Variants in CDH24 observed in about 807,000 individuals in gnomAD.
CDH24 encodes cadherin-24.
A neutral mutation model predicts 71.2 loss-of-function variants in CDH24; 61 were observed. The observed-to-expected ratio is 0.86, with a 90% CI of 0.70 to 1.06. The LOEUF (loss-of-function observed/expected upper bound fraction) is 1.06, where lower values mean the gene tolerates loss of function less well. CDH24 is among the 50% of genes least tolerant of loss of function. The pLI is 0.00. For missense variants in CDH24, 961 were observed against 1,083.7 expected (o/e 0.89, Z 1.59); for synonymous variants, 440 against 470.2 (o/e 0.94, Z 0.83).
rs140243541 is a variant in CDH24 at position 23,055,102 on chromosome 14, G to C, written c.453C>G (p.Pro151=). Residue 151 remains proline, a synonymous_variant, in exon 3 of 13, where the codon CCC becomes CCG. Transcript: ENST00000487137. The surrounding 1 kb of genome is among the most constrained non-coding windows in gnomAD (Gnocchi z 4.1). ...QDINDNPPIF[P]LGPYHATVPE... ...GCACGGTGGCATGGTAGGGCCCAAG[G>C]GGAAAAATGGGTGGATTGTCGTTGA... 416 of 1,613,840 alleles carry C rather than the reference G, an allele frequency of 2.6e-4. 2 individuals carry two copies. The African/African-American group carries it at 4.4e-3, about 17-fold the overall frequency.
At position 23,047,960 on chromosome 14, in the gene CDH24, G is replaced by C. The variant is rs977772372; in HGVS notation, c.*20C>G. ...TGCCCGCTGCCCCCCCCCCGCGGTG[G>C]GCCGGGCCAGCCCGGGCGCTCAGGG... On this transcript the variant is annotated 3_prime_UTR_variant, in exon 12 of 13. Coordinates refer to ENST00000487137, the MANE Select transcript of CDH24 (RefSeq NM_144985.4). 3 of 1,307,322 alleles carry C rather than the reference G, an allele frequency of 2.3e-6. No individual in the cohort carries two copies. In the African/African-American group the frequency reaches 4.7e-5, roughly 20 times the overall value. 81.0% of individuals were successfully genotyped at this position (1,307,322 alleles called of 1,614,324 possible). A position where few individuals can be genotyped will look rare whatever the true frequency, so the allele number is the denominator to read the frequency against.
intron 8 of CDH24, chr14:23,052,026 G>A: frequency 6.3e-6 from 10 of 1,587,908 alleles, no homozygotes; most frequent in Non-Finnish European, 8.6e-6. Context: ...GGCTGCTGGT[G>A]CACTCCACTC....
In CDH24 at chr14:23,048,288, C is replaced by T. The variant is rs1244911981; in HGVS notation, c.2038G>A (p.Ala680Thr). The change falls in exon 12 of 13, where the codon GCG becomes ACG. Residue 680 changes from alanine to threonine, a missense_variant. Physicochemically the swap from Ala to Thr is moderately conservative, Grantham distance 58. Around this residue, in one of 2 missense-constraint regions of CDH24, gnomAD observed 290 missense variants for 272.8 expected, o/e 1.06. Transcript: ENST00000487137. ...GAAPPAPGPP[A>T]RRDVLPRARV... is the part of the protein sequence containing the mutation. ...GCCCGGGGCAACACGTCTCGGCGCG[C>T]GGGAGGGCCGGGCGCCGGGGGGGCC... 6.3e-7 allele frequency: 1 copy of T among 1,586,930 alleles called. No homozygotes were observed. The highest frequency in any genetic ancestry group is 1.1e-5 in the South Asian group (1 of 89,406).
Position 23,054,847 on chromosome 14 carries a change from C to A in CDH24, c.516G>T (p.Val172=). ...MSNVGTSVIQ[V]TAHDADDPSY... ...TGGGGTCATCAGCATCGTGAGCAGTCACCTGGATCACTGATGTCCCTGTGG... is the reference window on the plus strand; with the variant it reads ...TGGGGTCATCAGCATCGTGAGCAGTAACCTGGATCACTGATGTCCCTGTGG... Residue 172 remains valine, a synonymous_variant, in exon 4 of 13, where the codon GTG becomes GTT. Coordinates refer to ENST00000487137, the MANE Select transcript of CDH24 (RefSeq NM_144985.4). The surrounding 1 kb of genome is among the most constrained non-coding windows in gnomAD (Gnocchi z 5.2). 1.2e-6 allele frequency: 2 copies of A among 1,613,366 alleles called. No individual in the cohort carries two copies. Among genetic ancestry groups the A allele is most frequent in the South Asian group, 2.2e-5 (2 of 91,028 alleles).
At chr14:23,053,879 C>T (rs1369574232) in intron 6 of CDH24, 130 bp from the exon 7 acceptor site, 1 of 1,000,262 alleles carries the variant, frequency 1.0e-6, no homozygotes, top group East Asian at 2.6e-5. Context: ...AGAGGTGGCA[C>T]TGGAGGGACA....
chr14:23,054,909 G>A lies in CDH24; in HGVS notation c.497-43C>T. On this transcript the variant is annotated intron_variant, in intron 3 of 12. Transcript: ENST00000487137. The surrounding 1 kb of genome is among the most constrained non-coding windows in gnomAD (Gnocchi z 5.2). ...ACGCCATTCAGCAGCAGCAGGGAAG[G>A]ATGGGGAAGAACAACCGATGGGGGG... 1 of 1,601,638 alleles carries A rather than the reference G, an allele frequency of 6.2e-7. No individual in the cohort carries two copies.
In CDH24 at chr14:23,051,499, A is replaced by C. The variant is rs2047084984; in HGVS notation, c.1363+974T>G. Among the ~76,000 whole-genome samples the C allele has an allele frequency of 6.6e-6, 1 of 152,134 alleles. No homozygotes were observed. The highest frequency in any genetic ancestry group is 2.4e-5 in the African/African-American group (1 of 41,356). On this transcript the variant is annotated intron_variant, in intron 8 of 12. Coordinates refer to ENST00000487137, the MANE Select transcript of CDH24 (RefSeq NM_144985.4). The surrounding 1 kb of genome is among the most constrained non-coding windows in gnomAD (Gnocchi z 4.4). Reference sequence around the variant, plus strand: ...AAATACCCACATACACAAAACACATACAAACAGCTACATGTGCATACCACT... The same window carrying C: ...AAATACCCACATACACAAAACACATCCAAACAGCTACATGTGCATACCACT...
Position 23,048,151 on chromosome 14 carries a change from C to A in CDH24, c.2175G>T (p.Val725=). The A allele has an allele frequency of 7.3e-7, 1 of 1,378,594 alleles. No individual in the cohort carries two copies. The highest frequency in any genetic ancestry group is 9.4e-7 in the Non-Finnish European group (1 of 1,064,738). 85.4% of individuals were successfully genotyped at this position (1,378,594 alleles called of 1,614,324 possible). A position where few individuals can be genotyped will look rare whatever the true frequency, so the allele number is the denominator to read the frequency against. The stretch of plus-strand genomic sequence containing the variant: ...CGCGGCCCTCGTAGCCGTACACCTG[C>A]ACCGAGTCGTACGGGGGTACGCCGG... ...EDPGVPPYDS[V]QVYGYEGRGS... Residue 725 remains valine, a synonymous_variant, in exon 12 of 13, where the codon GTG becomes GTT. Coordinates refer to ENST00000487137, the MANE Select transcript of CDH24 (RefSeq NM_144985.4).
At position 23,052,447 on chromosome 14, in the gene CDH24, C is replaced by T. The variant is rs552602186; in HGVS notation, c.1363+26G>A. 65 of 1,612,816 alleles carry T rather than the reference C, an allele frequency of 4.0e-5. No homozygotes were observed. The Middle Eastern group carries it at 2.0e-3, about 49-fold the overall frequency. On this transcript the variant is annotated intron_variant, in intron 8 of 12. Transcript: ENST00000487137. ...AGCTCCTCGGCCAGGAGGCTGCTGC[C>T]GCCTTGTGGGCCCTGGAGTCCTCAC...
In CDH24 at chr14:23,048,121, G is replaced by A; in HGVS notation, c.2205C>T (p.Ser735=). 1 of 1,403,114 alleles carries A rather than the reference G, an allele frequency of 7.1e-7. No individual in the cohort carries two copies. Among genetic ancestry groups the A allele is most frequent in the East Asian group, 3.2e-5 (1 of 31,590 alleles). 86.9% of individuals were successfully genotyped at this position (1,403,114 alleles called of 1,614,324 possible). The change falls in exon 12 of 13, where the codon TCC becomes TCT. Residue 735 remains serine (S), a synonymous_variant. Transcript: ENST00000487137. ...CCAGGGAGCTGAGGGAGCCGCAAGA[G>A]GAGCCGCGGCCCTCGTAGCCGTACA... ...VQVYGYEGRG[S]SCGSLSSLGS...
chr14:23,052,320 G>T, intron 8 of CDH24, 153 bp downstream of exon 8: 1 of 892,742 alleles, frequency 1.1e-6, no homozygotes, highest in Non-Finnish European at 1.8e-6. Context: ...GCTAGGACTT[G>T]GATCCAGGCT....
intron 9 of CDH24, 32 bp downstream of exon 9, chr14:23,049,790 G>A: frequency 6.2e-7 from 1 of 1,613,234 alleles, no homozygotes; most frequent in East Asian, 2.2e-5. Flanking sequence ...TGGAGGCCTG[G>A]ACGTCCCAAC....
chr14:23,052,543 GAT>G lies in CDH24; in HGVS notation c.1291_1292del (p.Ile431ProfsTer41). On this transcript the variant is annotated frameshift_variant, in exon 8 of 13. Coordinates refer to ENST00000487137, the MANE Select transcript of CDH24 (RefSeq NM_144985.4). LOFTEE classifies it high-confidence loss of function. The part of the protein sequence containing the change: ...CFSIQPEEGT[I>X]HTAAPLDREA... The stretch of plus-strand genomic sequence containing the variant: ...CGCGATCCAGGGGTGCTGCTGTATG[GAT>G]GGTGCCTTCCTCGGGCTGGATAGAG... The G allele has an allele frequency of 6.2e-7, 1 of 1,614,082 alleles. No homozygotes were observed. The highest frequency in any genetic ancestry group is 8.5e-7 in the Non-Finnish European group (1 of 1,179,988).
Position 23,054,819 on chromosome 14 carries a change from A to G in CDH24, c.544T>C (p.Tyr182His). Residue 182 changes from tyrosine (Y) to histidine (H), a missense_variant, in exon 4 of 13, where the codon TAT becomes CAT. By Grantham distance (83) the Tyr-to-His change is moderately conservative. Around this residue, in one of 2 missense-constraint regions of CDH24, gnomAD observed 671 missense variants for 810.9 expected, o/e 0.83. Coordinates refer to ENST00000487137, the MANE Select transcript of CDH24 (RefSeq NM_144985.4). This position sits in a 1 kb window ranked among gnomAD's most constrained non-coding sequence, Gnocchi z 5.2. ...VTAHDADDPS[Y>H]GNSAKLVYTV... ...TACACCAGCTTGGCACTGTTCCCAT[A>G]GCTGGGGTCATCAGCATCGTGAGCA... 1 of 1,613,872 alleles carries G rather than the reference A, an allele frequency of 6.2e-7. No homozygotes were observed. Among genetic ancestry groups the G allele is most frequent in the South Asian group, 1.1e-5 (1 of 91,074 alleles).
At chr14:23,050,106 G>C in intron 8 of CDH24, 163 bp from the exon 9 acceptor site, 5 of 944,160 alleles carry the variant, frequency 5.3e-6, no homozygotes, top group Non-Finnish European at 7.8e-6. Context: ...GTTGCAGAAT[G>C]AATGGAACAA....
Position 23,055,889 on chromosome 14 carries a change from A to G in CDH24, c.-124-32T>C. ...GACAAGCAGCTGCTCAGGCTCAAGG[A>G]AACCCCTAGCCCTCCTCCCCCGCAA... On this transcript the variant is annotated intron_variant, in intron 1 of 12. Transcript: ENST00000487137. This position sits in a 1 kb window ranked among gnomAD's most constrained non-coding sequence, Gnocchi z 4.1. The G allele has an allele frequency of 1.5e-6, 1 of 646,178 alleles. No individual in the cohort carries two copies. The highest frequency in any genetic ancestry group is 2.6e-6 in the Non-Finnish European group (1 of 381,982). The allele number at this position is 646,178 out of a possible 1,614,324, so 40.0% of individuals were successfully genotyped here.
Position 23,055,366 on chromosome 14 carries a change from C to G in CDH24, c.202-13G>C, listed in dbSNP as rs368554077. 4 of 1,600,916 alleles carry G rather than the reference C, an allele frequency of 2.5e-6. No homozygotes were observed. The highest frequency in any genetic ancestry group is 3.4e-6 in the Non-Finnish European group (4 of 1,169,436). The stretch of plus-strand genomic sequence containing the variant: ...CATCCGAGTGCAGCTGCAGGGGTCA[C>G]GAAAAGATGGCAGAGGGCTCCAAGT... On this transcript the variant is annotated splice_polypyrimidine_tract_variant and intron_variant, in intron 2 of 12. Coordinates refer to ENST00000487137, the MANE Select transcript of CDH24 (RefSeq NM_144985.4). The surrounding 1 kb of genome is among the most constrained non-coding windows in gnomAD (Gnocchi z 4.1).
Position 23,054,197 on chromosome 14 carries a change from C to T in CDH24, c.916G>A (p.Ala306Thr). The T allele has an allele frequency of 6.2e-7, 1 of 1,613,448 alleles. No homozygotes were observed. Among genetic ancestry groups the T allele is most frequent in the Non-Finnish European group, 8.5e-7 (1 of 1,179,830 alleles). The stretch of plus-strand genomic sequence containing the variant: ...TGCAAGTCTGTGCTGATGCTGAAGG[C>T]CTCAGACCCCTCCCCATCCAGGATG... The part of the protein sequence containing the change: ...YSILDGEGSE[A>T]FSISTDLQGR... The change falls in exon 6 of 13, where the codon GCC (alanine) becomes ACC (threonine). Residue 306 changes from alanine (A) to threonine (T), a missense_variant. Transcript: ENST00000487137. This position sits in a 1 kb window ranked among gnomAD's most constrained non-coding sequence, Gnocchi z 5.2.
At position 23,051,432 on chromosome 14, in the gene CDH24, A is replaced by G. The variant is rs57919558; in HGVS notation, c.1363+1041T>C. ...AATGAATGAATCCATTTTGAAGATG[A>G]ATAGTGCCTGATAAACAATAAGTAA... On this transcript the variant is annotated intron_variant, in intron 8 of 12. Coordinates refer to ENST00000487137, the MANE Select transcript of CDH24 (RefSeq NM_144985.4). This position sits in a 1 kb window ranked among gnomAD's most constrained non-coding sequence, Gnocchi z 4.4. Among the ~76,000 whole-genome samples, 22,839 of 152,206 alleles carry G rather than the reference A, an allele frequency of 0.15. 3,226 individuals are homozygous for G. The highest frequency in any genetic ancestry group is 0.38 in the African/African-American group (15,555 of 41,456).
Sources: gnomAD v4.1 joint callset for allele counts (sites outside exome capture counted in the v4.1 genomes callset) on GRCh38, gnomAD v4.1.1 for gene constraint, gnomAD v4.1.1 regional missense constraint, Gnocchi (gnomAD v3.1) non-coding constraint, MANE v1.5 for transcripts, NCBI Gene and HGNC (gene_info 2026-07-23, HGNC 2026-07-21) for gene names.